GRM8: variants seen among roughly 807,000 people sequenced by gnomAD.
The protein encoded by GRM8 is glutamate metabotropic receptor 8.
GRM8 carries 47 observed loss-of-function variants against 87.2 expected under a neutral mutation model. That is an observed-to-expected ratio of 0.54 (90% confidence interval 0.43 to 0.69). The LOEUF (loss-of-function observed/expected upper bound fraction) is 0.69. GRM8 is among the 30% of genes least tolerant of loss of function. GRM8 has a pLI of 0.00. For synonymous variants in GRM8, 396 were observed against 404.5 expected, an observed-to-expected ratio of 0.98 and a Z score of 0.25; for missense variants, 1,019 against 1,139.2, an observed-to-expected ratio of 0.89 and a Z score of 1.52.
In GRM8 at chr7:126,488,807, G is replaced by A. The variant is rs139628701; in HGVS notation, c.2431-42435C>T. On this transcript the variant is annotated intron_variant, in intron 9 of 10. Coordinates refer to ENST00000339582, the MANE Select transcript of GRM8 (RefSeq NM_000845.3). Reference sequence around the variant, plus strand: ...TGACTTTGCTATAGTATTCTGCACAGTTATGCATATGATAATGATGATAAT... The same window carrying A: ...TGACTTTGCTATAGTATTCTGCACAATTATGCATATGATAATGATGATAAT... 3.3e-3 allele frequency among the ~76,000 whole-genome samples: 499 copies of A among 152,018 alleles called. 4 individuals carry two copies. The highest frequency in any genetic ancestry group is 0.012 in the African/African-American group (484 of 41,522).
chr7:126,968,391 T>C (rs1000408815), intron 3 of GRM8, among the ~76,000 whole-genome samples: 57 of 152,194 alleles, frequency 3.7e-4, no homozygotes, highest in African/African-American at 1.3e-3. Flanking sequence ...AATGGTAAAT[T>C]GCTTAGATTA....
intron 2 of GRM8, among the ~76,000 whole-genome samples, chr7:127,109,823 T>A (rs1350718639): frequency 1.3e-5 from 2 of 152,036 alleles, no homozygotes; most frequent in Non-Finnish European, 2.9e-5. Flanking sequence ...CCCCACCACC[T>A]CCTCCCTTGC....
In GRM8 at chr7:126,483,223, A is replaced by G. The variant is rs1295288947; in HGVS notation, c.2431-36851T>C. ...ATGCATTAAAGAGATTTTATGGTCT[A>G]TTGAAGGGCTGACAAAAACCACTTA... On this transcript the variant is annotated intron_variant, in intron 9 of 10. Transcript: ENST00000339582. Among the ~76,000 whole-genome samples the G allele has an allele frequency of 2.0e-5, 3 of 150,518 alleles. No homozygotes were observed. In the East Asian group the frequency reaches 5.9e-4, roughly 30 times the overall value.
chr7:126,690,626 C>G (rs536269094), intron 7 of GRM8, among the ~76,000 whole-genome samples: 1 of 152,302 alleles, frequency 6.6e-6, no homozygotes, highest in Non-Finnish European at 1.5e-5. Flanking sequence ...TGTTTTGGCC[C>G]TGTGTGTGTT....
intron 9 of GRM8, among the ~76,000 whole-genome samples, chr7:126,508,150 C>A (rs893164387): frequency 6.6e-6 from 1 of 151,808 alleles, no homozygotes; most frequent in Non-Finnish European, 1.5e-5. Context: ...ATTTTTATAC[C>A]TTTGTATATT....
At chr7:126,535,905 C>T (rs956478480) in intron 8 of GRM8, among the ~76,000 whole-genome samples, 1 of 152,144 alleles carries the variant, frequency 6.6e-6, no homozygotes, top group African/African-American at 2.4e-5. Context: ...TCCAGTCAAG[C>T]CTTCAGGTGA....
intron 3 of GRM8, among the ~76,000 whole-genome samples, chr7:127,072,285 C>T (rs1821776477): frequency 2.0e-5 from 3 of 152,192 alleles, no homozygotes; most frequent in Admixed American, 6.5e-5. Context: ...CACAAACTCT[C>T]CATTCACATT....
intron 6 of GRM8, among the ~76,000 whole-genome samples, chr7:126,822,594 T>A (rs939415106): frequency 1.3e-5 from 2 of 152,032 alleles, no homozygotes; most frequent in Middle Eastern, 3.4e-3. Flanking sequence ...GATCTCACTA[T>A]GTTGCCCAGG....
chr7:126,487,077 T>C (rs1247036523), intron 9 of GRM8, among the ~76,000 whole-genome samples: 1 of 152,086 alleles, frequency 6.6e-6, no homozygotes, highest in Non-Finnish European at 1.5e-5. Context: ...ATAAAGCATT[T>C]TAAGTTACTT....
chr7:127,038,037 AG>A (rs1476599488), intron 3 of GRM8, among the ~76,000 whole-genome samples: 1 of 152,212 alleles, frequency 6.6e-6, no homozygotes, highest in Non-Finnish European at 1.5e-5. Flanking sequence ...TTCGTATGGC[AG>A]TATACATATC....
intron 9 of GRM8, among the ~76,000 whole-genome samples, chr7:126,454,470 T>G (rs550661639): frequency 1.3e-4 from 19 of 151,648 alleles, no homozygotes; most frequent in African/African-American, 4.3e-4. Flanking sequence ...TCAGTGCAGG[T>G]GCTTTTGCGG....
intron 3 of GRM8, among the ~76,000 whole-genome samples, chr7:127,052,243 A>G (rs753273401): frequency 2.6e-5 from 4 of 152,172 alleles, no homozygotes; most frequent in Non-Finnish European, 4.4e-5. Context: ...GGCTGAGTTC[A>G]GTGACCTCTG....
At chr7:126,600,375 A>C (rs1797616123) in intron 8 of GRM8, among the ~76,000 whole-genome samples, 1 of 152,090 alleles carries the variant, frequency 6.6e-6, no homozygotes, top group South Asian at 2.1e-4. Flanking sequence ...CTGATTTTTC[A>C]TATGCATGGC....
intron 8 of GRM8, among the ~76,000 whole-genome samples, chr7:126,543,094 G>A (rs946458526): frequency 1.3e-5 from 2 of 152,158 alleles, no homozygotes; most frequent in Non-Finnish European, 2.9e-5. Flanking sequence ...GCATGATCTT[G>A]TCCCTGTCTA....
At chr7:127,165,141 G>GAT (rs3993578) in intron 2 of GRM8, among the ~76,000 whole-genome samples, 899 of 66,464 alleles carry the variant, frequency 0.014, 61 homozygotes, top group Non-Finnish European at 0.02. Context: ...CATGTAAACA[G>GAT]ATATATATAT....
At chr7:126,714,281 T>TCTC (rs1182987485) in intron 7 of GRM8, among the ~76,000 whole-genome samples, 3 of 24,894 alleles carry the variant, frequency 1.2e-4, no homozygotes, top group African/African-American at 5.0e-4. Flanking sequence ...CCATCTCAAA[T>TCTC]AATAATAATA....
intron 2 of GRM8, among the ~76,000 whole-genome samples, chr7:127,217,866 CAATTA>C (rs1340033628): frequency 6.6e-6 from 1 of 152,318 alleles, no homozygotes; most frequent in East Asian, 1.9e-4. Context: ...CTAAACAAAT[CAATTA>C]TAAAATTAAG....
intron 9 of GRM8, among the ~76,000 whole-genome samples, chr7:126,493,084 A>G (rs969248101): frequency 2.6e-5 from 4 of 151,998 alleles, no homozygotes; most frequent in African/African-American, 9.7e-5. Flanking sequence ...GTTTGTTTTT[A>G]TTAGAGAACA....
chr7:126,912,036 T>C (rs1442894680), intron 3 of GRM8, among the ~76,000 whole-genome samples: 1 of 151,076 alleles, frequency 6.6e-6, no homozygotes, highest in Non-Finnish European at 1.5e-5. Flanking sequence ...CTACTAAAAA[T>C]ACAAAAAAAA....
Sources: gnomAD v4.1 joint callset for allele counts (sites outside exome capture counted in the v4.1 genomes callset) on GRCh38, gnomAD v4.1.1 for gene constraint, MANE v1.5 for transcripts, NCBI Gene and HGNC (gene_info 2026-07-23, HGNC 2026-07-21) for gene names.